The following TNFRSF21 variants were observed in gnomAD, a reference collection of about 807,000 sequenced individuals.
The protein encoded by TNFRSF21 is tumor necrosis factor receptor superfamily member 21.
A neutral mutation model predicts 45.6 loss-of-function variants in TNFRSF21; 19 were observed. That is an observed-to-expected ratio of 0.42 (90% CI 0.29 to 0.61). The LOEUF is 0.61. TNFRSF21 is among the 20% of genes least tolerant of loss of function. The probability of loss-of-function intolerance (pLI) is 0.23; values close to 1 mark genes in which losing one functional copy is unlikely to be tolerated. For synonymous variants in TNFRSF21, 314 were observed against 335.5 expected (o/e 0.94, Z 0.70); for missense variants, 737 against 851.5 (o/e 0.87, Z 1.67).
At chr6:47,259,979 C>G (rs913025813) in intron 3 of TNFRSF21, among the ~76,000 whole-genome samples, 1 of 152,132 alleles carries the variant, frequency 6.6e-6, no homozygotes, top group African/African-American at 2.4e-5. Context: ...AATAGAAACA[C>G]CCCCTCTTAT....
chr6:47,267,781 T>C (rs1762357421), intron 3 of TNFRSF21, among the ~76,000 whole-genome samples: 1 of 152,192 alleles, frequency 6.6e-6, no homozygotes. Context: ...ACAGGACTGA[T>C]ATTCAAAACC....
chr6:47,282,781 T>G (rs1762588373), intron 3 of TNFRSF21, among the ~76,000 whole-genome samples: 1 of 152,178 alleles, frequency 6.6e-6, no homozygotes, highest in Non-Finnish European at 1.5e-5. Flanking sequence ...TATAAACACT[T>G]TCCTGGCTAA....
At chr6:47,239,920 A>G (rs935613425) in intron 4 of TNFRSF21, among the ~76,000 whole-genome samples, 6 of 152,136 alleles carry the variant, frequency 3.9e-5, no homozygotes, top group Non-Finnish European at 8.8e-5. Context: ...TACCTGCTCA[A>G]CGAAAGTTTA....
chr6:47,242,692 C>A lies in TNFRSF21; in HGVS notation c.1510-7794G>T, dbSNP rs1485844152. On this transcript the variant is annotated intron_variant, in intron 4 of 5. Coordinates refer to ENST00000296861, the MANE Select transcript of TNFRSF21 (RefSeq NM_014452.5). ...AGGCTGTCCAGGCTGCTGACATCAA[C>A]GGTAGTGGTGTTGCAGCCCTGAGCT... 3.3e-5 allele frequency among the ~76,000 whole-genome samples: 5 copies of A among 152,192 alleles called. No homozygotes were observed. The South Asian group carries it at 1.0e-3, about 32-fold the overall frequency.
intron 3 of TNFRSF21, among the ~76,000 whole-genome samples, chr6:47,273,854 T>C (rs1395321814): frequency 6.6e-6 from 1 of 151,886 alleles, no homozygotes; most frequent in Non-Finnish European, 1.5e-5. Flanking sequence ...AACAGACAAA[T>C]GAGAGCCAAA....
intron 3 of TNFRSF21, among the ~76,000 whole-genome samples, chr6:47,278,795 A>G (rs933746161): frequency 3.3e-5 from 5 of 152,214 alleles, no homozygotes; most frequent in African/African-American, 1.2e-4. Context: ...TCTGCTTGAG[A>G]AATAATGCCT....
chr6:47,242,942 T>C (rs1764768771), intron 4 of TNFRSF21, among the ~76,000 whole-genome samples: 2 of 152,328 alleles, frequency 1.3e-5, no homozygotes, highest in Middle Eastern at 3.4e-3. Context: ...GATAATTCTA[T>C]CCATGAGAAA....
At chr6:47,284,472 A>T in intron 2 of TNFRSF21, 40 bp from the exon 3 acceptor site, 1 of 1,501,004 alleles carries the variant, frequency 6.7e-7, no homozygotes, top group South Asian at 1.4e-5. Flanking sequence ...GCTTTTCCAT[A>T]TTTGGGGATC....
chr6:47,237,710 G>A (rs1225309808), intron 4 of TNFRSF21, among the ~76,000 whole-genome samples: 1 of 152,100 alleles, frequency 6.6e-6, no homozygotes, highest in Non-Finnish European at 1.5e-5. Flanking sequence ...TGGGCACGGT[G>A]ACTCACACCT....
intron 4 of TNFRSF21, among the ~76,000 whole-genome samples, chr6:47,235,745 A>G (rs918763490): frequency 1.3e-5 from 2 of 152,326 alleles, no homozygotes; most frequent in East Asian, 3.9e-4. Context: ...CAGGAAAAAA[A>G]CTGCTAAAAT....
rs115151452 is a variant in TNFRSF21 at position 47,309,246 on chromosome 6, T to G, written c.96+170A>C. 6.5e-3 allele frequency among the ~76,000 whole-genome samples: 993 copies of G among 152,182 alleles called. 13 individuals are homozygous for G. The highest frequency in any genetic ancestry group is 0.023 in the African/African-American group (953 of 41,554). On this transcript the variant is annotated intron_variant, in intron 1 of 5. Transcript: ENST00000296861. ...CCTGAGATTCCCCCAAATAACCTAG[T>G]CGAGGCCCTCTGGTGTGTTGCCTTC...
intron 1 of TNFRSF21, among the ~76,000 whole-genome samples, chr6:47,287,571 T>G (rs969942362): frequency 1.3e-5 from 2 of 152,194 alleles, no homozygotes; most frequent in South Asian, 2.1e-4. Context: ...ACTATAAAAC[T>G]GAAATGGTAA....
At chr6:47,270,335 G>A (rs557518955) in intron 3 of TNFRSF21, among the ~76,000 whole-genome samples, 83 of 152,314 alleles carry the variant, frequency 5.4e-4, no homozygotes, top group South Asian at 1.7e-3. Context: ...AATATTTGCC[G>A]TTCTGCAACA....
chr6:47,260,742 A>G (rs574328772), intron 3 of TNFRSF21, among the ~76,000 whole-genome samples: 3 of 152,338 alleles, frequency 2.0e-5, no homozygotes, highest in Non-Finnish European at 4.4e-5. Flanking sequence ...CTGGAACTAT[A>G]CAACATAGCA....
intron 3 of TNFRSF21, 104 bp downstream of exon 3, chr6:47,283,834 A>C: frequency 6.9e-7 from 1 of 1,456,314 alleles, no homozygotes; most frequent in Non-Finnish European, 9.3e-7. Context: ...TTGGTCTACA[A>C]AGGAGATTCC....
intron 4 of TNFRSF21, among the ~76,000 whole-genome samples, chr6:47,246,132 C>T (rs948605287): frequency 3.3e-5 from 5 of 152,058 alleles, no homozygotes; most frequent in African/African-American, 9.7e-5. Flanking sequence ...TGAGAATATA[C>T]CCACCTATAC....
intron 4 of TNFRSF21, among the ~76,000 whole-genome samples, chr6:47,240,492 T>C (rs1230809438): frequency 6.6e-6 from 1 of 152,206 alleles, no homozygotes; most frequent in Non-Finnish European, 1.5e-5. Context: ...AAACTGAGGC[T>C]CTAAGAGGTA....
At chr6:47,265,822 T>C (rs1384908659) in intron 3 of TNFRSF21, among the ~76,000 whole-genome samples, 2 of 152,212 alleles carry the variant, frequency 1.3e-5, no homozygotes, top group South Asian at 4.1e-4. Flanking sequence ...ATCTTGCCTA[T>C]GCCGGTAGTA....
At chr6:47,274,685 A>G (rs1165613889) in intron 3 of TNFRSF21, among the ~76,000 whole-genome samples, 3 of 152,226 alleles carry the variant, frequency 2.0e-5, no homozygotes, top group South Asian at 2.1e-4. Context: ...AGAAACTATC[A>G]TCAGAGTGAA....
Sources: allele counts gnomAD v4.1 joint callset (sites outside exome capture counted in the v4.1 genomes callset), GRCh38; gene constraint gnomAD v4.1.1; transcripts MANE v1.5; gene names NCBI Gene and HGNC (gene_info 2026-07-23, HGNC 2026-07-21).